GBE1: variants seen among roughly 807,000 people sequenced by gnomAD.
GBE1 encodes the protein 1,4-alpha-glucan-branching enzyme.
Under a neutral mutation model 88.8 loss-of-function variants are expected in GBE1, and 70 were observed. The observed-to-expected ratio is 0.79, with a 90% confidence interval of 0.65 to 0.96. GBE1 has a LOEUF of 0.96. GBE1 is among the 40% of genes least tolerant of loss of function. The pLI is 0.00. For synonymous variants in GBE1, 284 were observed against 300.1 expected (o/e 0.95, Z 0.56); for missense variants, 872 against 871.0 (o/e 1.00, Z -0.01).
At chr3:81,515,201 C>A (rs1463295920) in intron 14 of GBE1, among the ~76,000 whole-genome samples, 1 of 151,374 alleles carries the variant, frequency 6.6e-6, no homozygotes, top group African/African-American at 2.4e-5. Context: ...TGTATTCGTG[C>A]CATTTTCCAA....
chr3:81,743,944 T>C (rs1254078058), intron 1 of GBE1, among the ~76,000 whole-genome samples: 1 of 152,120 alleles, frequency 6.6e-6, no homozygotes. Context: ...CTTATTTATC[T>C]TCAAATATAA....
chr3:81,634,283 C>T (rs1248779497), intron 7 of GBE1, among the ~76,000 whole-genome samples: 6 of 152,200 alleles, frequency 3.9e-5, no homozygotes, highest in African/African-American at 1.4e-4. Context: ...CGCCCTATGG[C>T]ACATAAATAA....
At chr3:81,612,374 C>A in intron 7 of GBE1, 1 of 790,780 alleles carries the variant, frequency 1.3e-6, no homozygotes, top group Non-Finnish European at 2.2e-6. Flanking sequence ...TGGATCACCA[C>A]GCTCATTAGG....
intron 15 of GBE1, among the ~76,000 whole-genome samples, chr3:81,491,129 A>T (rs1451445122): frequency 1.3e-5 from 2 of 152,120 alleles, no homozygotes; most frequent in African/African-American, 4.8e-5. Context: ...CTTTTGTTGG[A>T]TCTTTGCCTA....
chr3:81,635,510 C>G (rs541866963), intron 7 of GBE1, among the ~76,000 whole-genome samples: 64 of 152,184 alleles, frequency 4.2e-4, no homozygotes, highest in Admixed American at 1.6e-3. Context: ...CAGCATAACA[C>G]TAAGGAAATC....
intron 2 of GBE1, among the ~76,000 whole-genome samples, chr3:81,672,591 A>G (rs1191887882): frequency 6.6e-6 from 1 of 152,036 alleles, no homozygotes; most frequent in Non-Finnish European, 1.5e-5. Context: ...AAAATATTAA[A>G]TCAGAAATAT....
At chr3:81,498,968 C>T (rs904161558) in intron 15 of GBE1, 142 bp downstream of exon 15, 13 of 603,130 alleles carry the variant, frequency 2.2e-5, no homozygotes, top group African/African-American at 2.1e-4. Flanking sequence ...TCTGGCCAAG[C>T]GTAGTCCCCT....
chr3:81,535,604 A>G (rs951227347), intron 13 of GBE1, among the ~76,000 whole-genome samples: 4 of 152,022 alleles, frequency 2.6e-5, no homozygotes, highest in African/African-American at 7.2e-5. Flanking sequence ...AAGTAAAACC[A>G]TGGTACCTAT....
At chr3:81,732,898 C>T (rs1706208521) in intron 1 of GBE1, among the ~76,000 whole-genome samples, 1 of 152,150 alleles carries the variant, frequency 6.6e-6, no homozygotes, top group East Asian at 1.9e-4. Flanking sequence ...GATCCTTCCT[C>T]CCTTATCTTT....
In GBE1 at chr3:81,523,817, A is replaced by G. The variant is rs1417711127; in HGVS notation, c.1934+11378T>C. Among the ~76,000 whole-genome samples, 6 of 151,948 alleles carry G rather than the reference A, an allele frequency of 3.9e-5. No individual in the cohort carries two copies. In the East Asian group the frequency reaches 1.2e-3, roughly 29 times the overall value. ...CCTCCAGTTCCATCCATATTGTTGCAAATAACAAGATCTCATTCCTTTTAT... is the reference window on the plus strand; with the variant it reads ...CCTCCAGTTCCATCCATATTGTTGCGAATAACAAGATCTCATTCCTTTTAT... On this transcript the variant is annotated intron_variant, in intron 14 of 15. Coordinates refer to ENST00000429644, the MANE Select transcript of GBE1 (RefSeq NM_000158.4).
chr3:81,634,556 G>A (rs1285630308), intron 7 of GBE1, among the ~76,000 whole-genome samples: 1 of 152,108 alleles, frequency 6.6e-6, no homozygotes, highest in Non-Finnish European at 1.5e-5. Context: ...ACTTTGCAGT[G>A]TTGCCGCCAT....
chr3:81,566,023 A>C (rs984283304), intron 12 of GBE1, among the ~76,000 whole-genome samples: 1 of 152,198 alleles, frequency 6.6e-6, no homozygotes, highest in Non-Finnish European at 1.5e-5. Context: ...CAGCAGCCCC[A>C]TTCGGGTTTG....
At chr3:81,583,910 G>A (rs893140776) in intron 10 of GBE1, among the ~76,000 whole-genome samples, 2 of 152,000 alleles carry the variant, frequency 1.3e-5, no homozygotes. Context: ...GAAAACTGAT[G>A]AATGAGCATA....
chr3:81,533,232 G>T (rs188164018), intron 14 of GBE1, among the ~76,000 whole-genome samples: 1 of 152,074 alleles, frequency 6.6e-6, no homozygotes, highest in Admixed American at 6.6e-5. Flanking sequence ...GAAGGATCAC[G>T]CACAAATTGC....
At chr3:81,655,559 C>G (rs1373551268) in intron 3 of GBE1, among the ~76,000 whole-genome samples, 1 of 152,016 alleles carries the variant, frequency 6.6e-6, no homozygotes, top group Non-Finnish European at 1.5e-5. Context: ...TCTTGTCGCC[C>G]AGGCTAGAAT....
chr3:81,647,405 T>A (rs1263197306), intron 5 of GBE1, among the ~76,000 whole-genome samples: 1 of 152,204 alleles, frequency 6.6e-6, no homozygotes, highest in Admixed American at 6.5e-5. Context: ...GAATATGTTT[T>A]GCTCTAACAG....
intron 14 of GBE1, among the ~76,000 whole-genome samples, chr3:81,512,199 GGA>G (rs1702734746): frequency 6.6e-6 from 1 of 151,792 alleles, no homozygotes; most frequent in South Asian, 2.1e-4. Context: ...ACTAGAGCCG[GGA>G]GAGTGGGATG....
Position 81,532,909 on chromosome 3 carries a change from T to C in GBE1, c.1934+2286A>G, listed in dbSNP as rs544866148. On this transcript the variant is annotated intron_variant, in intron 14 of 15. Transcript: ENST00000429644. ...CATTTCCCAAGTCTAGGCTTAAAAG[T>C]CTTTGTCTTAATCTCGTTATCTCTC... is the stretch of plus-strand genomic sequence containing the variant. Among the ~76,000 whole-genome samples the C allele has an allele frequency of 2.8e-3, 433 of 152,140 alleles. 1 individual carries two copies. The highest frequency in any genetic ancestry group is 5.6e-3 in the South Asian group (27 of 4,826).
chr3:81,712,543 C>T (rs1282690863), intron 1 of GBE1, among the ~76,000 whole-genome samples: 1 of 150,600 alleles, frequency 6.6e-6, no homozygotes, highest in East Asian at 2.0e-4. Flanking sequence ...CAAACTATCA[C>T]AAGGACAAAA....
Sources: allele counts gnomAD v4.1 joint callset (sites outside exome capture counted in the v4.1 genomes callset), GRCh38; gene constraint gnomAD v4.1.1; transcripts MANE v1.5; gene names NCBI Gene and HGNC (gene_info 2026-07-23, HGNC 2026-07-21).